Variants in NEGR1 observed in about 807,000 individuals in gnomAD.
NEGR1 encodes the protein IgLON family member 4.
In NEGR1, 10 loss-of-function variants were observed where a neutral mutation model predicts 40.9. The ratio of observed to expected loss-of-function variants is 0.24; its 90% CI spans 0.15 to 0.42. NEGR1 has a LOEUF of 0.42. NEGR1 is among the 10% of genes least tolerant of loss of function. The probability of loss-of-function intolerance (pLI) is 1.00; values close to 1 mark genes in which losing one functional copy is unlikely to be tolerated. For synonymous variants in NEGR1, 185 were observed against 166.8 expected (o/e 1.11, Z -0.84); for missense variants, 352 against 438.9 (o/e 0.80, Z 1.77).
At chr1:71,755,650 T>C (rs1655706752) in intron 3 of NEGR1, among the ~76,000 whole-genome samples, 1 of 152,202 alleles carries the variant, frequency 6.6e-6, no homozygotes, top group African/African-American at 2.4e-5. Flanking sequence ...TTAAATGCTG[T>C]TCCCATCAAT....
chr1:72,181,135 T>C (rs927806225), intron 1 of NEGR1, among the ~76,000 whole-genome samples: 2 of 152,178 alleles, frequency 1.3e-5, no homozygotes, highest in Admixed American at 1.3e-4. Context: ...GAATGACTGA[T>C]ATTTTAGATG....
chr1:71,759,596 CTTTTT>C (rs71074804), intron 3 of NEGR1, among the ~76,000 whole-genome samples: 203 of 31,862 alleles, frequency 6.4e-3, no homozygotes, highest in East Asian at 0.012. Flanking sequence ...TGCGTCCAGG[CTTTTT>C]TTTTTTTTTT....
At chr1:71,799,507 G>A (rs1570362617) in intron 2 of NEGR1, among the ~76,000 whole-genome samples, 1 of 152,130 alleles carries the variant, frequency 6.6e-6, no homozygotes, top group Non-Finnish European at 1.5e-5. Context: ...GTAAACATAG[G>A]TGAGCATGTG....
rs12021526 is a variant in NEGR1 at position 71,785,076 on chromosome 1, T to A, written c.410-8779A>T. On this transcript the variant is annotated intron_variant, in intron 2 of 6. Transcript: ENST00000357731. ...GCACATGAGTGTTTATACACCAGAA[T>A]TCAAATCACTGCTGTACCTCAGGCT... 6.8e-4 allele frequency among the ~76,000 whole-genome samples: 103 copies of A among 152,310 alleles called. No individual in the cohort carries two copies. The East Asian group carries it at 0.015, about 22-fold the overall frequency.
chr1:71,857,278 T>C (rs1659802086), intron 2 of NEGR1, among the ~76,000 whole-genome samples: 1 of 151,680 alleles, frequency 6.6e-6, no homozygotes, highest in Non-Finnish European at 1.5e-5. Flanking sequence ...AACTGTTTGT[T>C]GTAATTTTCC....
chr1:71,801,289 C>T (rs1429203876), intron 2 of NEGR1, among the ~76,000 whole-genome samples: 2 of 152,104 alleles, frequency 1.3e-5, no homozygotes, highest in Admixed American at 1.3e-4. Context: ...ATTGTTGGAC[C>T]TCCTTTTATC....
intron 6 of NEGR1, among the ~76,000 whole-genome samples, chr1:71,476,662 A>G (rs1211275804): frequency 6.6e-6 from 1 of 152,104 alleles, no homozygotes; most frequent in African/African-American, 2.4e-5. Flanking sequence ...TGGAGCCTCA[A>G]TAAAGGCTGT....
At chr1:71,656,288 C>G (rs921478871) in intron 4 of NEGR1, among the ~76,000 whole-genome samples, 2 of 152,184 alleles carry the variant, frequency 1.3e-5, no homozygotes, top group South Asian at 2.1e-4. Flanking sequence ...CTGATGGCCC[C>G]TATTCTCCTT....
chr1:71,567,158 A>G (rs879530387), intron 6 of NEGR1, among the ~76,000 whole-genome samples: 17 of 152,276 alleles, frequency 1.1e-4, no homozygotes, highest in Middle Eastern at 6.8e-3. Context: ...TTTTAGACCA[A>G]TGCAGACCCA....
chr1:71,560,460 T>TA (rs1198448626), intron 6 of NEGR1, among the ~76,000 whole-genome samples: 5 of 143,270 alleles, frequency 3.5e-5, no homozygotes, highest in African/African-American at 5.0e-5. Context: ...TATATATATA[T>TA]TTCCAATTAA....
intron 2 of NEGR1, among the ~76,000 whole-genome samples, chr1:71,904,029 G>T (rs76579455): frequency 0.02 from 3,051 of 151,804 alleles, 62 homozygotes; most frequent in South Asian, 0.1. Context: ...CTTACAGTGA[G>T]GACTCCATGT....
intron 3 of NEGR1, among the ~76,000 whole-genome samples, chr1:71,720,390 T>C (rs1475265021): frequency 6.6e-6 from 1 of 152,200 alleles, no homozygotes; most frequent in Non-Finnish European, 1.5e-5. Context: ...GCCATACATA[T>C]GCATGGGTGA....
intron 4 of NEGR1, among the ~76,000 whole-genome samples, chr1:71,630,592 C>G (rs763888301): frequency 6.6e-6 from 1 of 151,740 alleles, no homozygotes; most frequent in Non-Finnish European, 1.5e-5. Context: ...CTGAAGTAAT[C>G]CAACAAGGTA....
intron 3 of NEGR1, among the ~76,000 whole-genome samples, chr1:71,734,526 C>T (rs535471891): frequency 6.6e-6 from 1 of 152,238 alleles, no homozygotes; most frequent in South Asian, 2.1e-4. Context: ...CTTTCTTTCT[C>T]CTATGTTAAT....
At chr1:71,928,901 A>G (rs1205595803) in intron 2 of NEGR1, among the ~76,000 whole-genome samples, 1 of 152,076 alleles carries the variant, frequency 6.6e-6, no homozygotes. Flanking sequence ...TTTGTCTTCC[A>G]TTGGACCTGC....
intron 2 of NEGR1, among the ~76,000 whole-genome samples, chr1:71,910,800 T>G (rs1570491646): frequency 6.6e-6 from 1 of 152,008 alleles, no homozygotes; most frequent in Non-Finnish European, 1.5e-5. Flanking sequence ...CAGGCTCAGG[T>G]GGTTCTCCCA....
At chr1:72,051,102 G>C (rs1647055878) in intron 1 of NEGR1, among the ~76,000 whole-genome samples, 1 of 151,262 alleles carries the variant, frequency 6.6e-6, no homozygotes, top group South Asian at 2.1e-4. Flanking sequence ...TTATGTTCCC[G>C]ATGCATTGTA....
intron 6 of NEGR1, among the ~76,000 whole-genome samples, chr1:71,480,071 T>C (rs1646844582): frequency 6.6e-6 from 1 of 151,944 alleles, no homozygotes; most frequent in African/African-American, 2.4e-5. Flanking sequence ...AACAATGAAG[T>C]TGATAAATTA....
At chr1:71,933,898 A>T (rs965299720) in intron 2 of NEGR1, among the ~76,000 whole-genome samples, 4 of 152,130 alleles carry the variant, frequency 2.6e-5, no homozygotes, top group African/African-American at 9.6e-5. Flanking sequence ...GTGTGTTTGA[A>T]TTCAAGTTTA....
Sources: allele counts gnomAD v4.1 joint callset (sites outside exome capture counted in the v4.1 genomes callset), GRCh38; gene constraint gnomAD v4.1.1; transcripts MANE v1.5; gene names NCBI Gene and HGNC (gene_info 2026-07-23, HGNC 2026-07-21).